The following APAF1 variants were observed in gnomAD, a reference collection of about 807,000 sequenced individuals.
The protein encoded by APAF1 is apoptotic protease-activating factor 1.
APAF1 carries 91 observed loss-of-function variants against 152.4 expected under a neutral mutation model. The ratio of observed to expected loss-of-function variants is 0.60; its 90% confidence interval spans 0.50 to 0.71. The LOEUF (loss-of-function observed/expected upper bound fraction) is 0.71. Among genes scored for constraint, APAF1 ranks in the 30% least tolerant of loss-of-function variants. The pLI, the probability that APAF1 is intolerant of heterozygous loss-of-function variation, is 0.00. For missense variants in APAF1, 1,283 were observed against 1,472.0 expected (o/e 0.87, Z 2.10); for synonymous variants, 484 against 494.1 (o/e 0.98, Z 0.27).
chr12:98,702,444 T>G (rs543566508), intron 17 of APAF1, among the ~76,000 whole-genome samples: 2 of 152,318 alleles, frequency 1.3e-5, no homozygotes, highest in African/African-American at 4.8e-5. Flanking sequence ...AATCAGTATA[T>G]TGTATCAATA....
chr12:98,658,845 A>G (rs2097661067), intron 4 of APAF1, among the ~76,000 whole-genome samples: 1 of 152,214 alleles, frequency 6.6e-6, no homozygotes, highest in Non-Finnish European at 1.5e-5. Context: ...AGTCAGAAGT[A>G]CAAGGTTTAG....
At chr12:98,683,415 A>C in intron 15 of APAF1, 141 bp downstream of exon 15, 2 of 861,030 alleles carry the variant, frequency 2.3e-6, no homozygotes, top group Non-Finnish European at 3.7e-6. Context: ...CTGAAGCAAA[A>C]AAAAAATAGC....
intron 16 of APAF1, among the ~76,000 whole-genome samples, chr12:98,687,809 C>CTTTTGT (rs1328820664): frequency 4.8e-4 from 73 of 152,068 alleles, no homozygotes; most frequent in Middle Eastern, 6.8e-3. Flanking sequence ...AAGGATCTGG[C>CTTTTGT]TTTTGTTTTT....
Position 98,648,748 on chromosome 12 carries a change from C to T in APAF1, c.261C>T (p.Leu87=). The change falls in exon 3 of 27, where the codon CTC becomes CTT. Residue 87 remains leucine (L), a synonymous_variant. Coordinates refer to ENST00000551964, the MANE Select transcript of APAF1 (RefSeq NM_181861.2). ...GATATAAAGATCTTGCTGCCCTTCTCCATGATGGCATTCCTGTTGTCTCTT... is the reference window on the plus strand; with the variant it reads ...GATATAAAGATCTTGCTGCCCTTCTTCATGATGGCATTCCTGTTGTCTCTT... ...HEGYKDLAAL[L]HDGIPVVSSS... is the part of the protein sequence containing the mutation. The T allele has an allele frequency of 1.9e-6, 3 of 1,613,992 alleles. No homozygotes were observed. Among genetic ancestry groups the T allele is most frequent in the Non-Finnish European group, 2.5e-6 (3 of 1,179,902 alleles).
intron 16 of APAF1, among the ~76,000 whole-genome samples, chr12:98,695,729 G>C (rs1459900871): frequency 6.6e-6 from 1 of 152,248 alleles, no homozygotes; most frequent in East Asian, 1.9e-4. Flanking sequence ...GGGTTGCAGA[G>C]TGAAGGGAGG....
rs536625845 is a variant in APAF1, at chr12:98,725,637, G to A, written c.3456+97G>A. 9 of 1,553,954 alleles carry A rather than the reference G, an allele frequency of 5.8e-6. No individual in the cohort carries two copies. In the Admixed American group the frequency reaches 1.5e-4, roughly 26 times the overall value. ...TTTGTTCACGGGCCAGGGAAGCATA[G>A]TCCTGAAGTTGTGGTTGGATGAGGC... On this transcript the variant is annotated intron_variant, in intron 25 of 26. Transcript: ENST00000551964.
intron 12 of APAF1, 38 bp downstream of exon 12, chr12:98,671,757 G>A (rs529069360): frequency 3.5e-5 from 55 of 1,578,126 alleles, no homozygotes; most frequent in East Asian, 4.5e-5. Flanking sequence ...GGAGTGGTGC[G>A]CTAACTATAT....
chr12:98,696,956 C>A (rs893116285), intron 16 of APAF1, among the ~76,000 whole-genome samples: 26 of 152,166 alleles, frequency 1.7e-4, no homozygotes, highest in Admixed American at 3.9e-4. Context: ...CATAAGTGAA[C>A]AGATGAACCA....
At chr12:98,658,467 C>T (rs537612869) in intron 4 of APAF1, among the ~76,000 whole-genome samples, 2 of 152,142 alleles carry the variant, frequency 1.3e-5, no homozygotes, top group Non-Finnish European at 2.9e-5. Flanking sequence ...TTTTTCACAG[C>T]AACTCTGAAA....
Position 98,649,822 on chromosome 12 carries a change from C to T in APAF1, c.526+138C>T, listed in dbSNP as rs374349572. 72 of 820,782 alleles carry T rather than the reference C, an allele frequency of 8.8e-5. 2 individuals carry two copies. Among genetic ancestry groups the T allele is most frequent in the East Asian group, 1.9e-4 (7 of 37,342 alleles). The allele number at this position is 820,782 out of a possible 1,614,324, so 50.8% of individuals were successfully genotyped here. On this transcript the variant is annotated intron_variant, in intron 4 of 26. Coordinates refer to ENST00000551964, the MANE Select transcript of APAF1 (RefSeq NM_181861.2). ...TTAGAACAAAGGAAGGATATGTTAA[C>T]TCTCTGAAGGGAGGGGATGGATAGG...
At chr12:98,698,314 A>G (rs959477505) in intron 16 of APAF1, among the ~76,000 whole-genome samples, 1 of 152,210 alleles carries the variant, frequency 6.6e-6, no homozygotes, top group Non-Finnish European at 1.5e-5. Context: ...TGGCTTCCCA[A>G]AGTGCTGGGA....
intron 18 of APAF1, among the ~76,000 whole-genome samples, chr12:98,704,586 TC>T (rs1304295047): frequency 1.3e-5 from 2 of 152,102 alleles, no homozygotes; most frequent in Non-Finnish European, 1.5e-5. Context: ...GGGCATGAGA[TC>T]CATAGGCTTC....
At chr12:98,665,276 ATATT>A (rs1225001163) in intron 7 of APAF1, among the ~76,000 whole-genome samples, 300 of 67,824 alleles carry the variant, frequency 4.4e-3, no homozygotes, top group Middle Eastern at 6.6e-3. Flanking sequence ...ATATATATAT[ATATT>A]TTTTTTTTTT....
At chr12:98,720,823 C>T (rs865807662) in intron 22 of APAF1, among the ~76,000 whole-genome samples, 5 of 152,022 alleles carry the variant, frequency 3.3e-5, no homozygotes, top group Non-Finnish European at 4.4e-5. Flanking sequence ...AAAAATTAGC[C>T]AGGCGTGGTG....
At chr12:98,726,725 G>T (rs2097751159) in intron 25 of APAF1, 1 of 155,340 alleles carries the variant, frequency 6.4e-6, no homozygotes, top group South Asian at 1.9e-4. Flanking sequence ...GGAAAAAGTT[G>T]TCTCCATTAA....
intron 26 of APAF1, among the ~76,000 whole-genome samples, chr12:98,731,302 G>T (rs1001355600): frequency 1.3e-5 from 2 of 152,092 alleles, no homozygotes; most frequent in Non-Finnish European, 2.9e-5. Flanking sequence ...ACAATTGATG[G>T]ATCCACATTG....
At chr12:98,686,099 G>A (rs933043373) in intron 15 of APAF1, among the ~76,000 whole-genome samples, 2 of 152,130 alleles carry the variant, frequency 1.3e-5, no homozygotes, top group Admixed American at 1.3e-4. Flanking sequence ...CTTGGTCCAT[G>A]TTCACTTATT....
chr12:98,706,645 C>T, intron 19 of APAF1, 35 bp downstream of exon 19: 1 of 1,612,414 alleles, frequency 6.2e-7, no homozygotes, highest in South Asian at 1.1e-5. Flanking sequence ...TTGAACATTT[C>T]CTGATGGTGA....
intron 22 of APAF1, among the ~76,000 whole-genome samples, chr12:98,719,152 G>C (rs913255533): frequency 6.6e-6 from 1 of 152,150 alleles, no homozygotes; most frequent in African/African-American, 2.4e-5. Flanking sequence ...CTCACACTCA[G>C]TGTCTCCTGC....
Sources: allele counts gnomAD v4.1 joint callset (sites outside exome capture counted in the v4.1 genomes callset), GRCh38; gene constraint gnomAD v4.1.1; transcripts MANE v1.5; gene names NCBI Gene and HGNC (gene_info 2026-07-23, HGNC 2026-07-21).